Variants in PRKDC observed in about 807,000 individuals in gnomAD.
PRKDC encodes the protein DNA-dependent protein kinase catalytic subunit.
A neutral mutation model predicts 486.9 loss-of-function variants in PRKDC; 82 were observed. The observed-to-expected ratio is 0.17, with a 90% CI of 0.14 to 0.20. The LOEUF (loss-of-function observed/expected upper bound fraction) is 0.20. Among genes scored for constraint, PRKDC ranks in the 10% least tolerant of loss-of-function variants. The pLI is 1.00. For missense variants in PRKDC, 4,504 were observed against 5,038.2 expected, an observed-to-expected ratio of 0.89 and a Z score of 3.21; for synonymous variants, 1,895 against 1,837.0, an observed-to-expected ratio of 1.03 and a Z score of -0.81.
chr8:47,922,871 G>A (rs577092358), intron 21 of PRKDC, among the ~76,000 whole-genome samples: 14 of 152,276 alleles, frequency 9.2e-5, no homozygotes, highest in African/African-American at 2.9e-4. Flanking sequence ...CTGGGAACTG[G>A]TGTTTGAAAG....
At chr8:47,854,565 C>T (rs2088490143) in intron 50 of PRKDC, among the ~76,000 whole-genome samples, 1 of 152,094 alleles carries the variant, frequency 6.6e-6, no homozygotes, top group African/African-American at 2.4e-5. Flanking sequence ...TGGTCTCGAT[C>T]TCCTGACCTC....
chr8:47,947,574 C>T (rs1245562332), intron 7 of PRKDC, among the ~76,000 whole-genome samples: 1 of 152,152 alleles, frequency 6.6e-6, no homozygotes, highest in Non-Finnish European at 1.5e-5. Context: ...TCAAGACAAG[C>T]CTGACCGACA....
intron 7 of PRKDC, among the ~76,000 whole-genome samples, chr8:47,953,073 A>G (rs2090651681): frequency 6.6e-6 from 1 of 152,140 alleles, no homozygotes; most frequent in African/African-American, 2.4e-5. Context: ...CCAGGGAGGC[A>G]GAGGCTGCAG....
chr8:47,788,765 A>G (rs555801771), intron 76 of PRKDC, 141 bp downstream of exon 76: 1 of 917,738 alleles, frequency 1.1e-6, no homozygotes, highest in South Asian at 3.4e-5. Flanking sequence ...CATGAGACCT[A>G]AAGCATTCAA....
Position 47,888,518 on chromosome 8 carries a change from C to T in PRKDC, c.4413G>A (p.Gln1471=). 6.5e-7 allele frequency: 1 copy of T among 1,536,008 alleles called. No individual in the cohort carries two copies. Among genetic ancestry groups the T allele is most frequent in the South Asian group, 1.3e-5 (1 of 78,992 alleles). The change falls in exon 34 of 86, where the codon CAG becomes CAA. Residue 1471 remains glutamine, a splice_region_variant and synonymous_variant. Coordinates refer to ENST00000314191, the MANE Select transcript of PRKDC (RefSeq NM_006904.7). The stretch of plus-strand genomic sequence containing the variant: ...TGTAAAAACAATAAGTTATAGTTAC[C>T]TGAGACGGTAATATATTATGCAGAA... ...AGLLHNILPS[Q]STDLHHSVGT... is the part of the protein sequence containing the mutation.
intron 54 of PRKDC, among the ~76,000 whole-genome samples, chr8:47,842,356 A>G (rs901816102): frequency 9.9e-5 from 15 of 152,172 alleles, no homozygotes; most frequent in African/African-American, 3.4e-4. Flanking sequence ...ATACTGGATC[A>G]TAGTCTGAAT....
intron 68 of PRKDC, among the ~76,000 whole-genome samples, chr8:47,810,787 T>A (rs1433405670): frequency 6.6e-6 from 1 of 151,872 alleles, no homozygotes; most frequent in Non-Finnish European, 1.5e-5. Flanking sequence ...ATACCTAAGA[T>A]AAAACAGTCA....
At chr8:47,808,977 C>T (rs2087270644) in intron 68 of PRKDC, among the ~76,000 whole-genome samples, 2 of 151,586 alleles carry the variant, frequency 1.3e-5, no homozygotes, top group African/African-American at 4.9e-5. Flanking sequence ...TGAGCTATGA[C>T]TGCACCACTG....
At position 47,886,117 on chromosome 8, in the gene PRKDC, G is replaced by T. The variant is rs759565037; in HGVS notation, c.4603C>A (p.Pro1535Thr). Residue 1535 changes from proline (P) to threonine (T), a missense_variant, in exon 36 of 86, where the codon CCA (proline) becomes ACA (threonine). Transcript: ENST00000314191. ...AAGGACGCCGTGGACAGCACCGCTG[G>T]GTTCAGGAGAAGACTCACAAGGCGC... ...CERLVSLLLN[P>T]AVLSTASLGS... The T allele has an allele frequency of 1.7e-5, 27 of 1,610,838 alleles. No homozygotes were observed. The highest frequency in any genetic ancestry group is 2.3e-5 in the Non-Finnish European group (27 of 1,178,922).
At position 47,906,399 on chromosome 8, in the gene PRKDC, TGAG is replaced by T. The variant is rs1026776484; in HGVS notation, c.2935-1426_2935-1424del. 4.1e-4 allele frequency among the ~76,000 whole-genome samples: 61 copies of T among 148,334 alleles called. 1 individual carries two copies. The highest frequency in any genetic ancestry group is 1.5e-3 in the Admixed American group (18 of 12,072). Reference sequence around the variant, plus strand: ...ATGTAATCCCAGCACTTTGGGAGGCTGAGGAGGGCGGATCACTTGAGGTCAGGA... The same window carrying T: ...ATGTAATCCCAGCACTTTGGGAGGCTGAGGGCGGATCACTTGAGGTCAGGA... On this transcript the variant is annotated intron_variant, in intron 25 of 85. Coordinates refer to ENST00000314191, the MANE Select transcript of PRKDC (RefSeq NM_006904.7).
chr8:47,900,393 T>C lies in PRKDC; in HGVS notation c.3344A>G (p.His1115Arg). Residue 1115 changes from histidine to arginine, a missense_variant, in exon 28 of 86, where the codon CAT becomes CGT. Physicochemically the swap from His to Arg is conservative, Grantham distance 29 (BLOSUM62 0). This residue lies in a region of PRKDC where 1,969 missense variants were observed against 2,068.9 expected (regional missense o/e 0.95). Coordinates refer to ENST00000314191, the MANE Select transcript of PRKDC (RefSeq NM_006904.7). ...VIYMESLALA[H>R]ADEKSLGTIQ... ...CGTACCTAAGGACTTCTCATCTGCA[T>C]GTGCTAAGGCCAGACTCTCCATGTA... The C allele has an allele frequency of 6.2e-7, 1 of 1,610,218 alleles. No individual in the cohort carries two copies. The highest frequency in any genetic ancestry group is 8.5e-7 in the Non-Finnish European group (1 of 1,178,488).
intron 73 of PRKDC, among the ~76,000 whole-genome samples, chr8:47,797,050 TA>T (rs2086998688): frequency 6.6e-6 from 1 of 152,186 alleles, no homozygotes. Flanking sequence ...TTTCTGAAGA[TA>T]AAACCTGATG....
Position 47,836,319 on chromosome 8 carries a change from C to A in PRKDC, c.7951+19G>T, listed in dbSNP as rs1031990024. 6 of 1,531,442 alleles carry A rather than the reference C, an allele frequency of 3.9e-6. No individual in the cohort carries two copies. The Admixed American group carries it at 8.0e-5, about 20-fold the overall frequency. 94.9% of individuals were successfully genotyped at this position (1,531,442 alleles called of 1,614,324 possible). A position where few individuals can be genotyped will look rare whatever the true frequency, so the allele number is the denominator to read the frequency against. ...GTCAGGGTGCTGTATACATGGCCAG[C>A]GGGCAGGGTCACTGTTACCTGCAGT... On this transcript the variant is annotated intron_variant, in intron 58 of 85. Transcript: ENST00000314191.
At position 47,857,080 on chromosome 8, in the gene PRKDC, T is replaced by C. The variant is rs2088557467; in HGVS notation, c.6609+76A>G. On this transcript the variant is annotated intron_variant, in intron 49 of 85. Coordinates refer to ENST00000314191, the MANE Select transcript of PRKDC (RefSeq NM_006904.7). ...CATAGCACAGTCAGTGAGAGGGACC[T>C]GAATTATGTGTCATAGGCTCTATAG... The C allele has an allele frequency of 4.2e-6, 6 of 1,432,486 alleles. No individual in the cohort carries two copies. In the South Asian group the frequency reaches 6.2e-5, roughly 15 times the overall value. The allele number at this position is 1,432,486 out of a possible 1,614,324, so 88.7% of individuals were successfully genotyped here.
At chr8:47,836,771 T>C (rs75851595) in intron 57 of PRKDC, among the ~76,000 whole-genome samples, 1 of 152,202 alleles carries the variant, frequency 6.6e-6, no homozygotes, top group Non-Finnish European at 1.5e-5. Context: ...ATAAAAAGGT[T>C]TGATATCATG....
intron 59 of PRKDC, among the ~76,000 whole-genome samples, chr8:47,833,851 C>T (rs779207978): frequency 3.3e-5 from 5 of 152,184 alleles, no homozygotes; most frequent in Middle Eastern, 3.4e-3. Flanking sequence ...TCTTTTTGGA[C>T]GCTCTCCTCA....
rs756923475 is a variant in PRKDC at position 47,893,232 on chromosome 8, C to T, written c.3754G>A (p.Ala1252Thr). 2 of 1,612,806 alleles carry T rather than the reference C, an allele frequency of 1.2e-6. No individual in the cohort carries two copies. Among genetic ancestry groups the T allele is most frequent in the Non-Finnish European group, 8.5e-7 (1 of 1,179,320 alleles). The change falls in exon 31 of 86, where the codon GCC (alanine) becomes ACC (threonine). Residue 1252 changes from alanine to threonine, a missense_variant. Coordinates refer to ENST00000314191, the MANE Select transcript of PRKDC (RefSeq NM_006904.7). ...LYLRGPFSLQ[A>T]TLCWLDLLLA... is the part of the protein sequence containing the mutation. ...AGCAGGTCCAGCCAGCATAGCGTGGCCTGCAGGCTGAATGGCCCCCGAAGG... is the reference window on the plus strand; with the variant it reads ...AGCAGGTCCAGCCAGCATAGCGTGGTCTGCAGGCTGAATGGCCCCCGAAGG...
chr8:47,775,582 TA>T (rs2086594054), intron 85 of PRKDC, among the ~76,000 whole-genome samples: 1 of 151,582 alleles, frequency 6.6e-6, no homozygotes, highest in Non-Finnish European at 1.5e-5. Flanking sequence ...TATTAGGCAA[TA>T]AGAGTTTTTT....
intron 40 of PRKDC, among the ~76,000 whole-genome samples, chr8:47,868,864 G>A (rs914896149): frequency 2.0e-5 from 3 of 152,124 alleles, no homozygotes; most frequent in African/African-American, 7.2e-5. Context: ...TGTGCACTTG[G>A]GGGAGGAAAA....
Sources: gnomAD v4.1 joint callset for allele counts (sites outside exome capture counted in the v4.1 genomes callset) on GRCh38, gnomAD v4.1.1 for gene constraint, gnomAD v4.1.1 regional missense constraint, MANE v1.5 for transcripts, NCBI Gene and HGNC (gene_info 2026-07-23, HGNC 2026-07-21) for gene names.